The following LRRFIP1 variants were observed in gnomAD, a reference collection of about 807,000 sequenced individuals.
The protein encoded by LRRFIP1 is leucine-rich repeat flightless-interacting protein 1.
In LRRFIP1, 62 loss-of-function variants were observed where a neutral mutation model predicts 104.4. The ratio of observed to expected loss-of-function variants is 0.59; its 90% CI spans 0.48 to 0.73. The LOEUF (loss-of-function observed/expected upper bound fraction) is 0.73. Among genes scored for constraint, LRRFIP1 ranks in the 30% least tolerant of loss-of-function variants. The probability of loss-of-function intolerance (pLI) is 0.00; values close to 1 mark genes in which losing one functional copy is unlikely to be tolerated. For missense variants in LRRFIP1, 796 were observed against 824.5 expected, an observed-to-expected ratio of 0.97 and a Z score of 0.42; for synonymous variants, 300 against 299.0, an observed-to-expected ratio of 1.00 and a Z score of -0.03.
intron 1 of LRRFIP1, among the ~76,000 whole-genome samples, chr2:237,651,466 G>C (rs973322511): frequency 1.3e-5 from 2 of 152,162 alleles, no homozygotes; most frequent in African/African-American, 4.8e-5. Context: ...AGGATCTAGA[G>C]AGTCCACGCA....
In LRRFIP1 at chr2:237,779,504, A is replaced by C; in HGVS notation, c.1895A>C (p.Asn632Thr). ...AAGCGTCTGGAAAAAATGAAAGCAAATCGGAGTGCACTCTTGTCCCAGCAG... is the reference window on the plus strand; with the variant it reads ...AAGCGTCTGGAAAAAATGAAAGCAACTCGGAGTGCACTCTTGTCCCAGCAG... ...LVKRLEKMKA[N>T]RSALLSQQ Residue 632 changes from asparagine (N) to threonine (T), a missense_variant, in exon 24 of 24, where the codon AAT becomes ACT. By Grantham distance (65) the Asn-to-Thr change is moderately conservative. Transcript: ENST00000308482. The C allele has an allele frequency of 6.2e-7, 1 of 1,613,546 alleles. No individual in the cohort carries two copies. The highest frequency in any genetic ancestry group is 8.5e-7 in the Non-Finnish European group (1 of 1,179,578).
At chr2:237,685,621 G>T (rs574871426) in intron 1 of LRRFIP1, among the ~76,000 whole-genome samples, 2 of 151,996 alleles carry the variant, frequency 1.3e-5, no homozygotes, top group Non-Finnish European at 2.9e-5. Flanking sequence ...GCTCACAATC[G>T]GATCAAATCC....
chr2:237,693,094 A>G (rs1575534007), intron 1 of LRRFIP1, among the ~76,000 whole-genome samples: 1 of 152,218 alleles, frequency 6.6e-6, no homozygotes, highest in African/African-American at 2.4e-5. Flanking sequence ...CTCAATATGC[A>G]GTCGTGGGGC....
chr2:237,642,641 G>C (rs2084188246), intron 1 of LRRFIP1, among the ~76,000 whole-genome samples: 1 of 151,606 alleles, frequency 6.6e-6, no homozygotes, highest in South Asian at 2.1e-4. Flanking sequence ...CAGACTCCAG[G>C]CTTCAGGTTC....
At chr2:237,715,769 C>T (rs894006281) in intron 3 of LRRFIP1, among the ~76,000 whole-genome samples, 5 of 152,210 alleles carry the variant, frequency 3.3e-5, no homozygotes, top group African/African-American at 7.2e-5. Flanking sequence ...TGCTTCCCTC[C>T]GCATGGCTTC....
At chr2:237,702,746 A>G (rs769695336) in intron 1 of LRRFIP1, among the ~76,000 whole-genome samples, 5 of 152,112 alleles carry the variant, frequency 3.3e-5, no homozygotes, top group South Asian at 2.1e-4. Flanking sequence ...AGGGGCCCTT[A>G]TCTTGAACGA....
intron 6 of LRRFIP1, among the ~76,000 whole-genome samples, chr2:237,722,757 G>C (rs929316133): frequency 2.0e-5 from 3 of 152,182 alleles, no homozygotes; most frequent in African/African-American, 7.2e-5. Flanking sequence ...CAAGCCCAGA[G>C]TGGTGAAGAG....
chr2:237,698,695 G>A (rs1460050453), intron 1 of LRRFIP1, among the ~76,000 whole-genome samples: 1 of 152,188 alleles, frequency 6.6e-6, no homozygotes, highest in Non-Finnish European at 1.5e-5. Flanking sequence ...TAATCAGTTA[G>A]GCTTTGATCT....
At chr2:237,748,520 C>A in intron 12 of LRRFIP1, 121 bp downstream of exon 12, 1 of 896,170 alleles carries the variant, frequency 1.1e-6, no homozygotes. Flanking sequence ...GACTAGAAAG[C>A]GGCCCACCTA....
At position 237,703,903 on chromosome 2, in the gene LRRFIP1, A is replaced by T. The variant is rs1370438740; in HGVS notation, c.97-4641A>T. Reference sequence around the variant, plus strand: ...CAGAAAGTGACAGGCCGTGTTCAGAAGCTCTTCAAGCAGTCTGACGTGGCT... The same window carrying T: ...CAGAAAGTGACAGGCCGTGTTCAGATGCTCTTCAAGCAGTCTGACGTGGCT... On this transcript the variant is annotated intron_variant, in intron 1 of 23. Transcript: ENST00000308482. The surrounding 1 kb of genome is among the most constrained non-coding windows in gnomAD (Gnocchi z 4.3). Among the ~76,000 whole-genome samples the T allele has an allele frequency of 6.6e-6, 1 of 152,104 alleles. No individual in the cohort carries two copies. Among genetic ancestry groups the T allele is most frequent in the Non-Finnish European group, 1.5e-5 (1 of 68,012 alleles).
At chr2:237,684,710 A>C (rs2092191919) in intron 1 of LRRFIP1, among the ~76,000 whole-genome samples, 2 of 152,140 alleles carry the variant, frequency 1.3e-5, no homozygotes. Flanking sequence ...TGTGCCTGTA[A>C]GACTGAGAAA....
chr2:237,728,282 A>G (rs2094848268), intron 8 of LRRFIP1, among the ~76,000 whole-genome samples: 1 of 152,252 alleles, frequency 6.6e-6, no homozygotes, highest in African/African-American at 2.4e-5. Context: ...TTCAGCTTTC[A>G]AAGATACTAA....
Position 237,748,576 on chromosome 2 carries a change from G to A in LRRFIP1, c.669+177G>A, listed in dbSNP as rs544786461. ...AGGTAGGCCACCGGGAGTCCTGTCC[G>A]GTGTGCGTTAGATCCTGTAGAGCAG... On this transcript the variant is annotated intron_variant, in intron 12 of 23. Transcript: ENST00000308482. 3.3e-5 allele frequency among the ~76,000 whole-genome samples: 5 copies of A among 152,180 alleles called. No homozygotes were observed. The East Asian group carries it at 5.8e-4, about 18-fold the overall frequency.
Position 237,627,719 on chromosome 2 carries a change from G to T in LRRFIP1, c.75G>T (p.Ala25=), listed in dbSNP as rs1447626389. 5 of 1,349,204 alleles carry T rather than the reference G, an allele frequency of 3.7e-6. No homozygotes were observed. In the African/African-American group the frequency reaches 4.6e-5, roughly 12 times the overall value. 83.6% of individuals were successfully genotyped at this position (1,349,204 alleles called of 1,614,324 possible). A position where few individuals can be genotyped will look rare whatever the true frequency, so the allele number is the denominator to read the frequency against. The change falls in exon 1 of 24, where the codon GCG becomes GCT. Residue 25 remains alanine (A), a synonymous_variant. Transcript: ENST00000308482. ...AGCGGCTCACGGCGGAGGACGACGC[G>T]CTCAACCAGATCGCGCGGGAGGTGA... ...NRERLTAEDD[A]LNQIAREAEA...
At position 237,647,993 on chromosome 2, in the gene LRRFIP1, T is replaced by C. The variant is rs191856906; in HGVS notation, c.96+20253T>C. ...AGAATCTGGGGGAAGAACTTACTTG[T>C]TTCTTCGATATTCTAAATAATCAGT... On this transcript the variant is annotated intron_variant, in intron 1 of 23. Transcript: ENST00000308482. 1.0e-3 allele frequency among the ~76,000 whole-genome samples: 153 copies of C among 152,218 alleles called. 1 individual carries two copies. Among genetic ancestry groups the C allele is most frequent in the South Asian group, 4.1e-3 (20 of 4,824 alleles).
At chr2:237,727,040 G>C (rs570032384) in intron 7 of LRRFIP1, among the ~76,000 whole-genome samples, 1 of 152,156 alleles carries the variant, frequency 6.6e-6, no homozygotes, top group African/African-American at 2.4e-5. Context: ...ATGAACTTTT[G>C]CGTTTAACTA....
chr2:237,657,621 G>A (rs13412799), intron 1 of LRRFIP1, among the ~76,000 whole-genome samples: 25,062 of 152,158 alleles, frequency 0.16, 2,507 homozygotes, highest in South Asian at 0.33. Flanking sequence ...GAAAGAAAGC[G>A]TGACAGAATT....
Position 237,758,822 on chromosome 2 carries a change from G to A in LRRFIP1, c.1317+1G>A. On this transcript the variant is annotated splice_donor_variant, in intron 18 of 23. Coordinates refer to ENST00000308482, the MANE Select transcript of LRRFIP1 (RefSeq NM_001137550.2). LOFTEE classifies it high-confidence loss of function. The stretch of plus-strand genomic sequence containing the variant: ...AGTCATGCTGAAAGAGGAATTAAAG[G>A]TATGAAGCCAAACTACAGTTTTATT... The A allele has an allele frequency of 2.5e-6, 4 of 1,603,276 alleles. No homozygotes were observed. The highest frequency in any genetic ancestry group is 3.4e-6 in the Non-Finnish European group (4 of 1,174,704).
intron 1 of LRRFIP1, among the ~76,000 whole-genome samples, chr2:237,667,595 C>T (rs1030924396): frequency 3.3e-5 from 5 of 152,128 alleles, no homozygotes; most frequent in African/African-American, 7.2e-5. Flanking sequence ...GTGGGTCAAA[C>T]GGTATTTCTG....
Sources: allele counts gnomAD v4.1 joint callset (sites outside exome capture counted in the v4.1 genomes callset), GRCh38; gene constraint gnomAD v4.1.1; non-coding constraint Gnocchi (gnomAD v3.1); transcripts MANE v1.5; gene names NCBI Gene and HGNC (gene_info 2026-07-23, HGNC 2026-07-21).